The following MREG variants were observed in gnomAD, a reference collection of about 807,000 sequenced individuals.
MREG encodes melanoregulin, also known as dilute suppressor protein homolog.
MREG carries 31 observed loss-of-function variants against 28.5 expected under a neutral mutation model. That is an observed-to-expected ratio of 1.09 (90% CI 0.82 to 1.47). The LOEUF (loss-of-function observed/expected upper bound fraction) is 1.47. Ranked by LOEUF, MREG falls within the 40% of genes most tolerant of loss-of-function variation. The pLI is 0.00. For missense variants in MREG, 256 were observed against 257.4 expected, an observed-to-expected ratio of 0.99 and a Z score of 0.04; for synonymous variants, 106 against 95.2, an observed-to-expected ratio of 1.11 and a Z score of -0.66.
intron 1 of MREG, among the ~76,000 whole-genome samples, chr2:216,009,880 G>A (rs926395941): frequency 6.6e-6 from 1 of 152,072 alleles, no homozygotes. Context: ...TATCACTGAT[G>A]GAAGAAAGCC....
intron 1 of MREG, among the ~76,000 whole-genome samples, chr2:216,001,119 T>G (rs1403932889): frequency 6.6e-6 from 1 of 152,060 alleles, no homozygotes; most frequent in Non-Finnish European, 1.5e-5. Context: ...TCTCTGTCTT[T>G]CCTCTCTTTT....
At chr2:215,993,498 G>A (rs531277601) in intron 2 of MREG, among the ~76,000 whole-genome samples, 1 of 152,238 alleles carries the variant, frequency 6.6e-6, no homozygotes, top group African/African-American at 2.4e-5. Flanking sequence ...TACCATTCAG[G>A]ACATAGGCAT....
At chr2:215,976,188 C>T (rs557455630) in intron 2 of MREG, among the ~76,000 whole-genome samples, 98 of 152,248 alleles carry the variant, frequency 6.4e-4, no homozygotes, top group African/African-American at 2.2e-3. Context: ...TTGCAACAAT[C>T]TGCGTGTTTC....
chr2:215,942,253 G>GT (rs1341591402), downstream of MREG, among the ~76,000 whole-genome samples: 1 of 151,952 alleles, frequency 6.6e-6, no homozygotes, highest in Non-Finnish European at 1.5e-5. Flanking sequence ...AAGTACTAAA[G>GT]TAAGAATATA....
intron 2 of MREG, among the ~76,000 whole-genome samples, chr2:215,961,229 C>T (rs575343573): frequency 2.4e-3 from 373 of 152,366 alleles, no homozygotes; most frequent in African/African-American, 8.3e-3. Context: ...TATGCTTTAG[C>T]TTGGATGTCT....
chr2:216,012,232 G>A (rs574049303), intron 1 of MREG, among the ~76,000 whole-genome samples: 23 of 152,314 alleles, frequency 1.5e-4, no homozygotes, highest in Admixed American at 5.2e-4. Flanking sequence ...GAGCCAATGA[G>A]TGGATTATTC....
intron 2 of MREG, among the ~76,000 whole-genome samples, chr2:215,984,829 G>A (rs1331229814): frequency 1.3e-5 from 2 of 152,208 alleles, no homozygotes. Flanking sequence ...ACCAAATGTA[G>A]CTGTCATCCC....
At chr2:216,028,891 C>T (rs1479138801) in intron 1 of MREG, among the ~76,000 whole-genome samples, 2 of 151,762 alleles carry the variant, frequency 1.3e-5, no homozygotes, top group Middle Eastern at 3.4e-3. Flanking sequence ...ATATTAGTTA[C>T]ACCACAATAA....
chr2:215,972,332 T>C (rs1693121142), intron 2 of MREG, among the ~76,000 whole-genome samples: 2 of 152,094 alleles, frequency 1.3e-5, no homozygotes, highest in African/African-American at 4.8e-5. Context: ...AAAGGAGGAA[T>C]AAGAAGATAG....
chr2:216,030,994 ACT>A (rs1313160136), intron 1 of MREG, among the ~76,000 whole-genome samples: 3 of 146,576 alleles, frequency 2.0e-5, no homozygotes, highest in Non-Finnish European at 3.0e-5. Flanking sequence ...ACACACACAC[ACT>A]CTGTCCCTGC....
At chr2:216,024,188 T>A (rs1019982590) in intron 1 of MREG, among the ~76,000 whole-genome samples, 1 of 151,960 alleles carries the variant, frequency 6.6e-6, no homozygotes, top group Non-Finnish European at 1.5e-5. Flanking sequence ...GGTAGGGAAT[T>A]TAAACTGGGC....
chr2:215,939,641 T>G (rs1240221694), downstream of MREG: 2 of 152,228 alleles, frequency 1.3e-5, no homozygotes, highest in Non-Finnish European at 2.9e-5. Context: ...AGATTTTTAG[T>G]ATCTTCTTCC....
chr2:216,028,345 G>A (rs1403853622), intron 1 of MREG, among the ~76,000 whole-genome samples: 2 of 151,874 alleles, frequency 1.3e-5, no homozygotes, highest in Admixed American at 6.6e-5. Flanking sequence ...TGGCTAACAC[G>A]GTGAAAGCCC....
chr2:215,997,809 A>G (rs1693909915), intron 1 of MREG, among the ~76,000 whole-genome samples: 1 of 152,178 alleles, frequency 6.6e-6, no homozygotes, highest in Admixed American at 6.5e-5. Context: ...AGCATCTTCA[A>G]AGGCCTGGGG....
At chr2:215,995,217 T>C (rs1409362393) in intron 2 of MREG, among the ~76,000 whole-genome samples, 1 of 152,074 alleles carries the variant, frequency 6.6e-6, no homozygotes, top group African/African-American at 2.4e-5. Context: ...GGGTGCTCGG[T>C]CACTAGTGGG....
chr2:216,022,111 GTGGC>G (rs757586940), intron 1 of MREG, among the ~76,000 whole-genome samples: 3 of 152,056 alleles, frequency 2.0e-5, no homozygotes, highest in Non-Finnish European at 4.4e-5. Context: ...GCTGGGTGTG[GTGGC>G]TGGCTGGCAC....
chr2:215,969,642 C>A (rs1693035515), intron 2 of MREG, among the ~76,000 whole-genome samples: 1 of 152,146 alleles, frequency 6.6e-6, no homozygotes, highest in Non-Finnish European at 1.5e-5. Context: ...TCCTGCCTGC[C>A]CTTTGTGCCA....
upstream of MREG, among the ~76,000 whole-genome samples, chr2:216,033,508 C>CA (rs1196796452): frequency 1.3e-5 from 2 of 151,948 alleles, no homozygotes; most frequent in Non-Finnish European, 2.9e-5. Flanking sequence ...CAGAAAAGGG[C>CA]AAAATAAGCA....
chr2:215,952,005 G>A (rs758898168), intron 2 of MREG, among the ~76,000 whole-genome samples: 3 of 152,128 alleles, frequency 2.0e-5, no homozygotes, highest in African/African-American at 4.8e-5. Flanking sequence ...ACATATAAGT[G>A]AGATCATGCA....
Sources: gnomAD v4.1 joint callset for allele counts (sites outside exome capture counted in the v4.1 genomes callset) on GRCh38, gnomAD v4.1.1 for gene constraint, MANE v1.5 for transcripts, NCBI Gene and HGNC (gene_info 2026-07-23, HGNC 2026-07-21) for gene names.